The following POSTN variants were observed in gnomAD, a reference collection of about 807,000 sequenced individuals.
POSTN encodes periostin.
POSTN carries 71 observed loss-of-function variants against 104.5 expected under a neutral mutation model. The ratio of observed to expected loss-of-function variants is 0.68; its 90% CI spans 0.56 to 0.83. The LOEUF (loss-of-function observed/expected upper bound fraction) is 0.83. POSTN is among the 40% of genes least tolerant of loss of function. POSTN has a pLI of 0.00. For missense variants in POSTN, 949 were observed against 1,006.8 expected (o/e 0.94, Z 0.78); for synonymous variants, 355 against 340.7 (o/e 1.04, Z -0.46).
At position 37,563,299 on chromosome 13, in the gene POSTN, G is replaced by A; in HGVS notation, c.*34C>T. On this transcript the variant is annotated 3_prime_UTR_variant, in exon 23 of 23. Transcript: ENST00000379747. ...TCTAAGGTCAGGTTATTGACTTAGG[G>A]TTGTATAAACATTTTTTTCTGGTTT... 1.3e-6 allele frequency: 2 copies of A among 1,513,560 alleles called. No homozygotes were observed. The highest frequency in any genetic ancestry group is 1.8e-6 in the Non-Finnish European group (2 of 1,098,190). The allele number at this position is 1,513,560 out of a possible 1,614,324, so 93.8% of individuals were successfully genotyped here. A position where few individuals can be genotyped will look rare whatever the true frequency, so the allele number is the denominator to read the frequency against.
intron 18 of POSTN, chr13:37,570,924 A>T (rs1457047453): frequency 2.6e-6 from 1 of 378,182 alleles, no homozygotes; most frequent in Non-Finnish European, 4.8e-6. Context: ...TGTTTTCTGG[A>T]TGTGGAATAA....
Position 37,584,033 on chromosome 13 carries a change from C to G in POSTN, c.1179G>C (p.Leu393Phe). 6.2e-7 allele frequency: 1 copy of G among 1,613,898 alleles called. No individual in the cohort carries two copies. The change falls in exon 9 of 23, where the codon TTG (leucine) becomes TTC (phenylalanine). Residue 393 changes from leucine to phenylalanine, a missense_variant. Transcript: ENST00000379747. Reference protein sequence around the residue: ...TFTDLVAQLGLASALRPDGEY... With the variant: ...TFTDLVAQLGFASALRPDGEY... ...CTCCATCTGGCCTCAGAGCAGATGC[C>G]AAGCCTAATTGGGCCACAAGATCCG...
intron 2 of POSTN, among the ~76,000 whole-genome samples, chr13:37,596,482 G>A (rs546217056): frequency 5.3e-5 from 8 of 152,148 alleles, no homozygotes; most frequent in Non-Finnish European, 1.0e-4. Context: ...CAGAAGGCAT[G>A]TCTATTAAGT....
At chr13:37,593,115 T>C (rs901929197) in intron 2 of POSTN, among the ~76,000 whole-genome samples, 18 of 151,460 alleles carry the variant, frequency 1.2e-4, no homozygotes, top group Admixed American at 6.6e-4. Flanking sequence ...AGTGGCATCC[T>C]GTTTAAAGTT....
chr13:37,578,814 A>G lies in POSTN; in HGVS notation c.1962+30T>C, dbSNP rs777922600. The G allele has an allele frequency of 1.9e-5, 29 of 1,490,858 alleles. No individual in the cohort carries two copies. In the African/African-American group the frequency reaches 2.9e-4, roughly 15 times the overall value. 92.4% of individuals were successfully genotyped at this position (1,490,858 alleles called of 1,614,324 possible). On this transcript the variant is annotated intron_variant, in intron 15 of 22. Transcript: ENST00000379747. The stretch of plus-strand genomic sequence containing the variant: ...ACTCCATCTCAAAAAAAAAAAAAAA[A>G]AAAGAAATAAATCAAGTAACTTTTA...
In POSTN at chr13:37,584,740, C is replaced by T; in HGVS notation, c.1084G>A (p.Asp362Asn). ...CCAGAATCAGGAATTAGGACCTGAT[C>T]AATCAAATGGATCACACCATTATTT... ...VTNNGVIHLI[D>N]QVLIPDSAKQ... Residue 362 changes from aspartate to asparagine, a missense_variant, in exon 8 of 23, where the codon GAT (aspartate) becomes AAT (asparagine). By Grantham distance (23) the Asp-to-Asn change is conservative. Coordinates refer to ENST00000379747, the MANE Select transcript of POSTN (RefSeq NM_006475.3). 6.2e-7 allele frequency: 1 copy of T among 1,613,730 alleles called. No individual in the cohort carries two copies. The highest frequency in any genetic ancestry group is 8.5e-7 in the Non-Finnish European group (1 of 1,179,766).
At chr13:37,586,388 A>C in intron 6 of POSTN, 108 bp from the exon 7 acceptor site, 2 of 1,174,776 alleles carry the variant, frequency 1.7e-6, no homozygotes, top group Non-Finnish European at 2.4e-6. Context: ...TACACTATAG[A>C]GGTTTGTTGT....
chr13:37,584,951 G>A (rs377143230), intron 7 of POSTN, 23 bp from the exon 8 acceptor site: 56 of 1,611,142 alleles, frequency 3.5e-5, no homozygotes, highest in African/African-American at 1.6e-4. Context: ...ATAAAAACAG[G>A]TAGCTTTCAG....
chr13:37,584,871 C>T lies in POSTN; in HGVS notation c.953G>A (p.Gly318Glu), dbSNP rs772983746. ...TLQCSESIMGGAVFETLEGNT... is the reference protein window; with the variant it reads ...TLQCSESIMGEAVFETLEGNT... Reference sequence around the variant, plus strand: ...TCCTTCCAGCGTCTCAAAGACTGCTCCTCCCATAATAGACTCAGAACACTG... The same window carrying T: ...TCCTTCCAGCGTCTCAAAGACTGCTTCTCCCATAATAGACTCAGAACACTG... Residue 318 changes from glycine (G) to glutamate (E), a missense_variant, in exon 8 of 23, where the codon GGA (glycine) becomes GAA (glutamate). Coordinates refer to ENST00000379747, the MANE Select transcript of POSTN (RefSeq NM_006475.3). 4.3e-6 allele frequency: 7 copies of T among 1,613,872 alleles called. No homozygotes were observed. Among genetic ancestry groups the T allele is most frequent in the East Asian group, 2.2e-5 (1 of 44,830 alleles).
intron 7 of POSTN, 129 bp from the exon 8 acceptor site, chr13:37,585,057 C>T: frequency 1.4e-6 from 2 of 1,403,942 alleles, no homozygotes; most frequent in Non-Finnish European, 1.9e-6. Flanking sequence ...TCACTAACAG[C>T]TTTAAAATCC....
chr13:37,594,970 A>G (rs538515852), intron 2 of POSTN, among the ~76,000 whole-genome samples: 76 of 152,142 alleles, frequency 5.0e-4, no homozygotes, highest in African/African-American at 1.7e-3. Context: ...TTAGAAAAAT[A>G]AGCTAATACA....
chr13:37,575,882 T>G (rs1409858857), intron 16 of POSTN, among the ~76,000 whole-genome samples: 1 of 152,164 alleles, frequency 6.6e-6, no homozygotes, highest in Non-Finnish European at 1.5e-5. Context: ...CAGGTGGTCT[T>G]GCCACAGAAG....
rs1330054991 is a variant in POSTN at position 37,562,656 on chromosome 13, C to A, written c.*677G>T. ...ATAAAGTCCTGTTCCCAAGTCCAAA[C>A]CACTTTTTAACTTAAATCTTGAGTT... On this transcript the variant is annotated 3_prime_UTR_variant, in exon 23 of 23. Coordinates refer to ENST00000379747, the MANE Select transcript of POSTN (RefSeq NM_006475.3). 2 of 152,102 alleles carry A rather than the reference C, an allele frequency of 1.3e-5. No individual in the cohort carries two copies. Among genetic ancestry groups the A allele is most frequent in the Non-Finnish European group, 2.9e-5 (2 of 68,020 alleles). 9.4% of individuals were successfully genotyped at this position (152,102 alleles called of 1,614,324 possible). A position where few individuals can be genotyped will look rare whatever the true frequency, so the allele number is the denominator to read the frequency against.
In POSTN at chr13:37,583,337, A is replaced by G. The variant is rs140037963; in HGVS notation, c.1243+632T>C. Among the ~76,000 whole-genome samples the G allele has an allele frequency of 5.3e-3, 809 of 152,292 alleles. 4 individuals are homozygous for G. Among genetic ancestry groups the G allele is most frequent in the African/African-American group, 0.019 (772 of 41,572 alleles). ...TTCTAAATATTATTATGTTGGTATCAAATAAAGAAATCAGTTTTATTTTTT... is the reference window on the plus strand; with the variant it reads ...TTCTAAATATTATTATGTTGGTATCGAATAAAGAAATCAGTTTTATTTTTT... On this transcript the variant is annotated intron_variant, in intron 9 of 22. Coordinates refer to ENST00000379747, the MANE Select transcript of POSTN (RefSeq NM_006475.3).
At position 37,584,706 on chromosome 13, in the gene POSTN, A is replaced by C. The variant is rs759891636; in HGVS notation, c.1108+10T>G. On this transcript the variant is annotated intron_variant, in intron 8 of 22. Coordinates refer to ENST00000379747, the MANE Select transcript of POSTN (RefSeq NM_006475.3). ...AAAAAACAAAAACAAAAACAAAAAA[A>C]GTTGCTTACCAGAATCAGGAATTAG... The C allele has an allele frequency of 4.4e-6, 7 of 1,605,478 alleles. No homozygotes were observed. In the South Asian group the frequency reaches 6.7e-5, roughly 15 times the overall value.
chr13:37,564,726 C>T (rs9547953), intron 21 of POSTN, 166 bp from the exon 22 acceptor site: 102,953 of 448,000 alleles, frequency 0.23, 13,292 homozygotes, highest in Non-Finnish European at 0.27. Context: ...TACATTTTTT[C>T]GTAAAGGACA....
chr13:37,578,704 CAGG>C, intron 15 of POSTN, 137 bp downstream of exon 15: 2 of 599,266 alleles, frequency 3.3e-6, no homozygotes, highest in Non-Finnish European at 5.1e-6. Flanking sequence ...GAGGCTGAGG[CAGG>C]AGAATGGAGT....
rs550308112 is a variant in POSTN, at chr13:37,580,846, T to C, written c.1393-149A>G. 4 of 867,188 alleles carry C rather than the reference T, an allele frequency of 4.6e-6. 1 individual carries two copies. The highest frequency in any genetic ancestry group is 2.6e-5 in the East Asian group (1 of 38,912). 53.7% of individuals were successfully genotyped at this position (867,188 alleles called of 1,614,324 possible). A position where few individuals can be genotyped will look rare whatever the true frequency, so the allele number is the denominator to read the frequency against. On this transcript the variant is annotated intron_variant, in intron 10 of 22. Coordinates refer to ENST00000379747, the MANE Select transcript of POSTN (RefSeq NM_006475.3). ...CGGGAACAGCTTCTTTCCTCTGTTT[T>C]CAATGGCTCACACAAACTCACAAGA...
Position 37,597,591 on chromosome 13 carries a change from A to T in POSTN, c.120-309T>A, listed in dbSNP as rs575870661. 2.0e-5 allele frequency among the ~76,000 whole-genome samples: 3 copies of T among 152,252 alleles called. No homozygotes were observed. In the East Asian group the frequency reaches 5.8e-4, roughly 29 times the overall value. On this transcript the variant is annotated intron_variant, in intron 1 of 22. Coordinates refer to ENST00000379747, the MANE Select transcript of POSTN (RefSeq NM_006475.3). ...ACGTAATTTTATTTCTATGTGCCTT[A>T]TTACTTTTAATGGTAGATAATCTAC... is the stretch of plus-strand genomic sequence containing the variant.
Sources: allele counts gnomAD v4.1 joint callset (sites outside exome capture counted in the v4.1 genomes callset), GRCh38; gene constraint gnomAD v4.1.1; transcripts MANE v1.5; gene names NCBI Gene and HGNC (gene_info 2026-07-23, HGNC 2026-07-21).